PRKN: variants seen among roughly 807,000 people sequenced by gnomAD.
PRKN encodes the protein E3 ubiquitin-protein ligase parkin.
Under a neutral mutation model 59.5 loss-of-function variants are expected in PRKN, and 56 were observed. That is an observed-to-expected ratio of 0.94 (90% CI 0.76 to 1.18). The LOEUF is 1.18. Among genes scored for constraint, PRKN ranks in the 50% most tolerant of loss-of-function variants. PRKN has a pLI of 0.00. For synonymous variants in PRKN, 250 were observed against 222.1 expected, an observed-to-expected ratio of 1.13 and a Z score of -1.12; for missense variants, 657 against 596.4, an observed-to-expected ratio of 1.10 and a Z score of -1.06.
At chr6:162,358,772 T>C (rs1024277596) in intron 2 of PRKN, among the ~76,000 whole-genome samples, 7 of 152,026 alleles carry the variant, frequency 4.6e-5, no homozygotes, top group African/African-American at 1.7e-4. Context: ...GAAATCACCT[T>C]GTTTAGGCCA....
chr6:162,410,404 C>T (rs574867756), intron 2 of PRKN, among the ~76,000 whole-genome samples: 10 of 152,256 alleles, frequency 6.6e-5, no homozygotes, highest in Non-Finnish European at 8.8e-5. Context: ...AAACAGCTAA[C>T]GATTCACATG....
At chr6:161,424,581 A>G (rs1788250302) in intron 9 of PRKN, among the ~76,000 whole-genome samples, 1 of 152,130 alleles carries the variant, frequency 6.6e-6, no homozygotes, top group Admixed American at 6.6e-5. Flanking sequence ...TTGCAGACAC[A>G]GGAACTCAGG....
chr6:161,851,984 G>A lies in PRKN; in HGVS notation c.735-66076C>T, dbSNP rs1421102649. Among the ~76,000 whole-genome samples, 4 of 151,548 alleles carry A rather than the reference G, an allele frequency of 2.6e-5. No individual in the cohort carries two copies. The South Asian group carries it at 8.4e-4, about 32-fold the overall frequency. On this transcript the variant is annotated intron_variant, in intron 6 of 11. Coordinates refer to ENST00000366898, the MANE Select transcript of PRKN (RefSeq NM_004562.3). ...CACCTGTGGTCCCAGCTGCTCAAGA[G>A]GCTGAGGCAGGAGAATCTCTTGAAC... is the stretch of plus-strand genomic sequence containing the variant.
At chr6:162,377,359 A>G (rs1258371710) in intron 2 of PRKN, among the ~76,000 whole-genome samples, 1 of 152,206 alleles carries the variant, frequency 6.6e-6, no homozygotes, top group Non-Finnish European at 1.5e-5. Context: ...GGACTGGCCA[A>G]GAGGCCAGTG....
chr6:162,458,915 G>A (rs921162618), intron 1 of PRKN, among the ~76,000 whole-genome samples: 2 of 152,082 alleles, frequency 1.3e-5, no homozygotes, highest in Non-Finnish European at 2.9e-5. Context: ...CTGCCTCCCA[G>A]GCTCAAGGGA....
chr6:161,590,735 CAAA>C (rs367972243), intron 7 of PRKN, among the ~76,000 whole-genome samples: 1 of 99,482 alleles, frequency 1.0e-5, no homozygotes. Context: ...GACTCTGTCT[CAAA>C]AAAAAAAAAA....
chr6:162,011,228 A>ATATACTATATT (rs1782656374), intron 5 of PRKN, among the ~76,000 whole-genome samples: 14 of 34,064 alleles, frequency 4.1e-4, no homozygotes, highest in Non-Finnish European at 5.2e-4. Flanking sequence ...ATATATTTAT[A>ATATACTATATT]ATATATAATT....
chr6:162,674,885 G>A (rs1453045368), intron 1 of PRKN, among the ~76,000 whole-genome samples: 1 of 152,078 alleles, frequency 6.6e-6, no homozygotes, highest in African/African-American at 2.4e-5. Flanking sequence ...TATTGCTGAG[G>A]GACAGTCAGA....
At chr6:162,031,145 C>G (rs1319463096) in intron 5 of PRKN, among the ~76,000 whole-genome samples, 1 of 151,732 alleles carries the variant, frequency 6.6e-6, no homozygotes, top group South Asian at 2.1e-4. Flanking sequence ...GCTCGGATGT[C>G]CTCCAAGGCC....
intron 7 of PRKN, among the ~76,000 whole-genome samples, chr6:161,614,429 A>T (rs576229579): frequency 2.0e-5 from 3 of 152,352 alleles, no homozygotes; most frequent in Admixed American, 6.5e-5. Context: ...AATTTAAACA[A>T]AGCTAGAAAA....
In PRKN at chr6:162,180,793, G is replaced by A. The variant is rs145170660; in HGVS notation, c.534+20338C>T. ...CTTTATGGGGCAAACAAGCAAGTGC[G>A]TTATACAACAGGGAACAGTGGGCTC... On this transcript the variant is annotated intron_variant, in intron 4 of 11. Transcript: ENST00000366898. 2.5e-3 allele frequency among the ~76,000 whole-genome samples: 384 copies of A among 152,240 alleles called. 7 individuals are homozygous for A. The highest frequency in any genetic ancestry group is 8.6e-3 in the African/African-American group (357 of 41,546).
chr6:162,720,364 T>A (rs1202172837), intron 1 of PRKN, among the ~76,000 whole-genome samples: 1 of 151,016 alleles, frequency 6.6e-6, no homozygotes, highest in Non-Finnish European at 1.5e-5. Flanking sequence ...GGTCTTACAG[T>A]AAAAGTAAAT....
At position 162,569,188 on chromosome 6, in the gene PRKN, G is replaced by A. The variant is rs1275456693; in HGVS notation, c.8-125715C>T. ...AAGTATAAGGAGCTGCAGATGCAAAGACTGAGATCTCCAAGATGAACTGGA... is the reference window on the plus strand; with the variant it reads ...AAGTATAAGGAGCTGCAGATGCAAAAACTGAGATCTCCAAGATGAACTGGA... On this transcript the variant is annotated intron_variant, in intron 1 of 11. Coordinates refer to ENST00000366898, the MANE Select transcript of PRKN (RefSeq NM_004562.3). 29 of 577,824 alleles carry A rather than the reference G, an allele frequency of 5.0e-5. No individual in the cohort carries two copies. In the Admixed American group the frequency reaches 6.7e-4, roughly 13 times the overall value. 35.8% of individuals were successfully genotyped at this position (577,824 alleles called of 1,614,324 possible).
intron 1 of PRKN, among the ~76,000 whole-genome samples, chr6:162,449,133 C>T (rs554631849): frequency 2.2e-4 from 34 of 152,148 alleles, no homozygotes; most frequent in African/African-American, 6.5e-4. Context: ...GTGATCAATT[C>T]GCCTCAGCCT....
intron 6 of PRKN, among the ~76,000 whole-genome samples, chr6:161,899,524 G>A (rs551687210): frequency 6.6e-6 from 1 of 152,264 alleles, no homozygotes; most frequent in African/African-American, 2.4e-5. Flanking sequence ...CTGGGAAGTG[G>A]GGTTGAGGGG....
intron 7 of PRKN, among the ~76,000 whole-genome samples, chr6:161,762,591 T>C (rs1449117711): frequency 6.6e-6 from 1 of 152,236 alleles, no homozygotes; most frequent in Non-Finnish European, 1.5e-5. Flanking sequence ...CATGAGAAAC[T>C]GAAATTTAAT....
At chr6:162,086,171 G>A (rs1011130639) in intron 4 of PRKN, among the ~76,000 whole-genome samples, 17 of 152,040 alleles carry the variant, frequency 1.1e-4, no homozygotes, top group Non-Finnish European at 1.2e-4. Flanking sequence ...ATTCTTTAGG[G>A]AGCATTTCTT....
chr6:161,861,523 C>T (rs180862457), intron 6 of PRKN, among the ~76,000 whole-genome samples: 2 of 151,606 alleles, frequency 1.3e-5, no homozygotes, highest in African/African-American at 4.8e-5. Flanking sequence ...AGCAAACCAC[C>T]ATGGCAAATG....
In PRKN at chr6:162,426,537, G is replaced by T. The variant is rs1233954059; in HGVS notation, c.171+16773C>A. 2.0e-5 allele frequency among the ~76,000 whole-genome samples: 3 copies of T among 152,162 alleles called. No individual in the cohort carries two copies. The East Asian group carries it at 5.8e-4, about 29-fold the overall frequency. ...ACAATCTCGGCTCACTACAACCTCT[G>T]CCTCCTGGGCTCAAGCCATCCTCCC... On this transcript the variant is annotated intron_variant, in intron 2 of 11. Coordinates refer to ENST00000366898, the MANE Select transcript of PRKN (RefSeq NM_004562.3).
Sources: allele counts gnomAD v4.1 joint callset (sites outside exome capture counted in the v4.1 genomes callset), GRCh38; gene constraint gnomAD v4.1.1; transcripts MANE v1.5; gene names NCBI Gene and HGNC (gene_info 2026-07-23, HGNC 2026-07-21).